The following ASCL5 variants were observed in gnomAD, a reference collection of about 807,000 sequenced individuals.
The protein encoded by ASCL5 is achaete-scute family bHLH transcription factor 5, also known as achaete-scute homolog 5.
For synonymous variants in ASCL5, 124 were observed against 131.5 expected, an observed-to-expected ratio of 0.94 and a Z score of 0.39; for missense variants, 262 against 268.9, an observed-to-expected ratio of 0.97 and a Z score of 0.18.
chr1:201,123,018 G>A (rs1393384105), intron 1 of ASCL5, among the ~76,000 whole-genome samples: 3 of 152,110 alleles, frequency 2.0e-5, no homozygotes, highest in Admixed American at 2.0e-4. Context: ...GTTAAGGGAC[G>A]GGTGACCTTC....
At chr1:201,117,820 G>A (rs746699730) in intron 1 of ASCL5, among the ~76,000 whole-genome samples, 4 of 152,192 alleles carry the variant, frequency 2.6e-5, no homozygotes, top group South Asian at 2.1e-4. Flanking sequence ...GTAAGCAGTC[G>A]GAAGGCAGGG....
chr1:201,116,972 G>C (rs570099822), intron 1 of ASCL5, among the ~76,000 whole-genome samples: 4 of 152,164 alleles, frequency 2.6e-5, no homozygotes, highest in Admixed American at 6.5e-5. Context: ...GACAGGAGGA[G>C]GTGGTGGCAA....
chr1:201,120,277 A>G (rs1414390965), intron 1 of ASCL5, among the ~76,000 whole-genome samples: 1 of 152,108 alleles, frequency 6.6e-6, no homozygotes, highest in East Asian at 1.9e-4. Context: ...TGCCCCACCA[A>G]TATTAGCCCC....
At position 201,115,492 on chromosome 1, in the gene ASCL5, A is replaced by T. The variant is rs1030492751; in HGVS notation, c.-120T>A. 170 of 805,682 alleles carry T rather than the reference A, an allele frequency of 2.1e-4. 1 individual carries two copies. Among genetic ancestry groups the T allele is most frequent in the Middle Eastern group, 2.1e-3 (5 of 2,394 alleles). 49.9% of individuals were successfully genotyped at this position (805,682 alleles called of 1,614,324 possible). ...CTAGCAGCAGCTCTTGGGTACCAGG[A>T]CTTGCTAGGGCCTCTTTTCGCCCTT... On this transcript the variant is annotated 5_prime_UTR_variant, in exon 2 of 2. Coordinates refer to ENST00000449188, the MANE Select transcript of ASCL5 (RefSeq NM_001270601.2).
At chr1:201,125,908 C>T (rs891612658) in intron 1 of ASCL5, among the ~76,000 whole-genome samples, 1 of 152,134 alleles carries the variant, frequency 6.6e-6, no homozygotes, top group African/African-American at 2.4e-5. Flanking sequence ...GGTAGAGCAG[C>T]GATGCAGAGG....
At chr1:201,115,995 C>T (rs1572083921) in intron 1 of ASCL5, 118 bp from the exon 2 acceptor site, 1 of 152,204 alleles carries the variant, frequency 6.6e-6, no homozygotes, top group African/African-American at 2.4e-5. Context: ...AGGCGGTTGG[C>T]TACTGAAGGG....
In ASCL5 at chr1:201,114,643, G is replaced by A. The variant is rs560848749; in HGVS notation, c.*109C>T. 9.7e-7 allele frequency: 1 copy of A among 1,025,754 alleles called. No homozygotes were observed. Among genetic ancestry groups the A allele is most frequent in the Non-Finnish European group, 1.2e-6 (1 of 803,270 alleles). The allele number at this position is 1,025,754 out of a possible 1,614,324, so 63.5% of individuals were successfully genotyped here. On this transcript the variant is annotated 3_prime_UTR_variant, in exon 2 of 2. Transcript: ENST00000449188. Reference sequence around the variant, plus strand: ...ACGGGAGCGCCGCGGACCTCCTACAGTCACCGTCCTGCGGCGCATCGCGGG... The same window carrying A: ...ACGGGAGCGCCGCGGACCTCCTACAATCACCGTCCTGCGGCGCATCGCGGG...
At chr1:201,124,184 C>T (rs987525570) in intron 1 of ASCL5, among the ~76,000 whole-genome samples, 6 of 152,206 alleles carry the variant, frequency 3.9e-5, no homozygotes, top group South Asian at 2.1e-4. Flanking sequence ...ATGAACCAGG[C>T]GGTTCTGCAG....
chr1:201,120,695 T>C (rs1174602578), intron 1 of ASCL5, among the ~76,000 whole-genome samples: 1 of 152,208 alleles, frequency 6.6e-6, no homozygotes, highest in Admixed American at 6.5e-5. Context: ...CAGGCTTTCC[T>C]CATTGTCTTT....
At chr1:201,120,104 CA>C (rs2102200862) in intron 1 of ASCL5, among the ~76,000 whole-genome samples, 1 of 152,262 alleles carries the variant, frequency 6.6e-6, no homozygotes, top group East Asian at 1.9e-4. Context: ...TCAGTTGTAC[CA>C]TGTACAGTTA....
chr1:201,116,878 G>A lies in ASCL5; in HGVS notation c.-505-1001C>T, dbSNP rs370957393. Among the ~76,000 whole-genome samples the A allele has an allele frequency of 2.3e-4, 35 of 152,146 alleles. No homozygotes were observed. In the East Asian group the frequency reaches 5.6e-3, roughly 24 times the overall value. On this transcript the variant is annotated intron_variant, in intron 1 of 1. Coordinates refer to ENST00000449188, the MANE Select transcript of ASCL5 (RefSeq NM_001270601.2). The stretch of plus-strand genomic sequence containing the variant: ...TCATAAAAGATGATCAGGACTTAGC[G>A]AGTGAGTGAGTGATGGGCAGCATGA...
chr1:201,115,710 A>C lies in ASCL5; in HGVS notation c.-338T>G. On this transcript the variant is annotated 5_prime_UTR_variant, in exon 2 of 2. It removes an upstream start codon present in the reference 5' UTR. Coordinates refer to ENST00000449188, the MANE Select transcript of ASCL5 (RefSeq NM_001270601.2). ...ACCCTGCCTCTTGCTGCCACCCAAC[A>C]TGGGCACCTCAGGCCTAAACCACGG... 7 of 175,394 alleles carry C rather than the reference A, an allele frequency of 4.0e-5. No individual in the cohort carries two copies. The highest frequency in any genetic ancestry group is 1.4e-4 in the East Asian group (1 of 6,944). 10.9% of individuals were successfully genotyped at this position (175,394 alleles called of 1,614,324 possible). A position where few individuals can be genotyped will look rare whatever the true frequency, so the allele number is the denominator to read the frequency against.
chr1:201,121,206 A>G (rs981019179), intron 1 of ASCL5, among the ~76,000 whole-genome samples: 2 of 152,254 alleles, frequency 1.3e-5, no homozygotes, highest in Non-Finnish European at 2.9e-5. Flanking sequence ...CCAAATTCCC[A>G]ATGGAACCAC....
intron 1 of ASCL5, among the ~76,000 whole-genome samples, chr1:201,124,826 C>T (rs947197231): frequency 6.6e-6 from 1 of 152,214 alleles, no homozygotes; most frequent in Non-Finnish European, 1.5e-5. Flanking sequence ...CCCCACTCCA[C>T]AGGAGGGACC....
chr1:201,117,477 A>G lies in ASCL5; in HGVS notation c.-505-1600T>C, dbSNP rs373745521. The stretch of plus-strand genomic sequence containing the variant: ...CCAAATGTCTGAGAATTCAGGACAA[A>G]TTCACATATCCCTCCCCTTCTCAGT... On this transcript the variant is annotated intron_variant, in intron 1 of 1. Transcript: ENST00000449188. Among the ~76,000 whole-genome samples, 20 of 152,264 alleles carry G rather than the reference A, an allele frequency of 1.3e-4. No individual in the cohort carries two copies. The East Asian group carries it at 2.9e-3, about 22-fold the overall frequency.
chr1:201,116,992 C>T (rs1663362707), intron 1 of ASCL5, among the ~76,000 whole-genome samples: 1 of 152,112 alleles, frequency 6.6e-6, no homozygotes, highest in South Asian at 2.1e-4. Context: ...AACTCAGATT[C>T]CCGAGAATGT....
rs142834980 is a variant in ASCL5, at chr1:201,125,007, G to A, written c.-506+2077C>T. Among the ~76,000 whole-genome samples, 621 of 152,324 alleles carry A rather than the reference G, an allele frequency of 4.1e-3. 1 individual carries two copies. Among genetic ancestry groups the A allele is most frequent in the Middle Eastern group, 0.01 (3 of 294 alleles). On this transcript the variant is annotated intron_variant, in intron 1 of 1. Transcript: ENST00000449188. ...CATGCATGCGGTTACCTGTATTTTA[G>A]AGGGAACTGGGGCTCTCTGAACTTG...
chr1:201,123,738 G>A (rs894930027), intron 1 of ASCL5, among the ~76,000 whole-genome samples: 2 of 152,190 alleles, frequency 1.3e-5, no homozygotes, highest in African/African-American at 4.8e-5. Context: ...CCCACCCAAG[G>A]GGAGGAGGAA....
chr1:201,114,711 C>G lies in ASCL5; in HGVS notation c.*41G>C. 8.1e-7 allele frequency: 1 copy of G among 1,229,376 alleles called. No individual in the cohort carries two copies. The highest frequency in any genetic ancestry group is 1.0e-6 in the Non-Finnish European group (1 of 986,340). 76.2% of individuals were successfully genotyped at this position (1,229,376 alleles called of 1,614,324 possible). A position where few individuals can be genotyped will look rare whatever the true frequency, so the allele number is the denominator to read the frequency against. On this transcript the variant is annotated 3_prime_UTR_variant, in exon 2 of 2. Transcript: ENST00000449188. ...GCTGCTCCCGAAAGTGGGACGGGGCCGGCGGATCATCCTCCAAGCCGGGGG... is the reference window on the plus strand; with the variant it reads ...GCTGCTCCCGAAAGTGGGACGGGGCGGGCGGATCATCCTCCAAGCCGGGGG...
Sources: allele counts gnomAD v4.1 joint callset (sites outside exome capture counted in the v4.1 genomes callset), GRCh38; gene constraint gnomAD v4.1.1; transcripts MANE v1.5; gene names NCBI Gene and HGNC (gene_info 2026-07-23, HGNC 2026-07-21).